BET1: variants seen among roughly 807,000 people sequenced by gnomAD.
The protein encoded by BET1 is Bet1 golgi vesicular membrane trafficking protein.
BET1 carries 9 observed loss-of-function variants against 13.9 expected under a neutral mutation model. The observed-to-expected ratio is 0.65, with a 90% CI of 0.39 to 1.13. The LOEUF (loss-of-function observed/expected upper bound fraction) is 1.13. BET1 is among the 50% of genes most tolerant of loss of function. The pLI is 0.01. For missense variants in BET1, 127 were observed against 133.6 expected (o/e 0.95, Z 0.24); for synonymous variants, 39 against 47.3 (o/e 0.82, Z 0.72).
Position 94,004,315 on chromosome 7 carries a change from C to A in BET1, c.-99G>T, listed in dbSNP as rs1584152832. The A allele has an allele frequency of 2.6e-6, 4 of 1,512,606 alleles. No individual in the cohort carries two copies. Among genetic ancestry groups the A allele is most frequent in the African/African-American group, 2.7e-5 (2 of 72,728 alleles). The allele number at this position is 1,512,606 out of a possible 1,614,324, so 93.7% of individuals were successfully genotyped here. A position where few individuals can be genotyped will look rare whatever the true frequency, so the allele number is the denominator to read the frequency against. ...CCGCGTCTTCAGTACCAGGGCCCAG[C>A]GAAACACCAACTTCTTCCCCTAAAG... On this transcript the variant is annotated 5_prime_UTR_variant, in exon 1 of 4. Transcript: ENST00000222547.
rs748060734 is a variant in BET1, at chr7:93,994,314, C to T, written c.273G>A (p.Gly91=). 1.9e-6 allele frequency: 3 copies of T among 1,613,702 alleles called. No homozygotes were observed. The highest frequency in any genetic ancestry group is 1.7e-6 in the Non-Finnish European group (2 of 1,179,828). The change falls in exon 4 of 4, where the codon GGG becomes GGA. Residue 91 remains glycine (G), a synonymous_variant. Coordinates refer to ENST00000222547, the MANE Select transcript of BET1 (RefSeq NM_005868.6). Reference sequence around the variant, plus strand: ...TATAGCACAGCAGCTTTGTTTGGCTCCCTCTGGATAAAATCTTCAGTTTGC... The same window carrying T: ...TATAGCACAGCAGCTTTGTTTGGCTTCCTCTGGATAAAATCTTCAGTTTGC... ...TMGKLKILSR[G]SQTKLLCYMM...
chr7:93,980,463 G>A (rs77804539), intron 4 of BET1, among the ~76,000 whole-genome samples: 2,405 of 152,204 alleles, frequency 0.016, 74 homozygotes, highest in African/African-American at 0.056. Flanking sequence ...TTATCCTTGG[G>A]ATTCAAGGGT....
At chr7:93,987,643 G>A (rs1482631443) in intron 4 of BET1, among the ~76,000 whole-genome samples, 1 of 152,120 alleles carries the variant, frequency 6.6e-6, no homozygotes, top group African/African-American at 2.4e-5. Flanking sequence ...TGTGCATGGT[G>A]CTAGGGAGTG....
chr7:93,998,019 G>C (rs1795809586), intron 2 of BET1, among the ~76,000 whole-genome samples: 1 of 152,126 alleles, frequency 6.6e-6, no homozygotes, highest in South Asian at 2.1e-4. Context: ...GGCGGATGTG[G>C]ATAAGCAGCA....
At chr7:93,966,947 C>T (rs1405267499) in intron 6 of BET1, among the ~76,000 whole-genome samples, 1 of 151,778 alleles carries the variant, frequency 6.6e-6, no homozygotes, top group Non-Finnish European at 1.5e-5. Flanking sequence ...CTCTTTTTAA[C>T]CATGTTCCAT....
chr7:93,999,320 G>C (rs1232468307), intron 1 of BET1, 26 bp from the exon 2 acceptor site: 4 of 1,575,652 alleles, frequency 2.5e-6, no homozygotes, highest in Non-Finnish European at 3.4e-6. Flanking sequence ...TCACAAAGGT[G>C]GTTCTAGAGA....
chr7:93,967,138 T>C (rs895850977), intron 6 of BET1, among the ~76,000 whole-genome samples: 2 of 151,874 alleles, frequency 1.3e-5, no homozygotes, highest in African/African-American at 4.8e-5. Context: ...AGTACAATTG[T>C]GTAAGGTACT....
At chr7:93,964,585 T>C (rs893395003) in exon 7 of BET1, 6 of 152,028 alleles carry the variant, frequency 3.9e-5, no homozygotes, top group East Asian at 1.9e-4. Flanking sequence ...TATGAGTGCA[T>C]GTAACTTCCA....
intron 4 of BET1, among the ~76,000 whole-genome samples, chr7:93,985,943 C>T (rs575646710): frequency 2.6e-5 from 4 of 152,288 alleles, no homozygotes; most frequent in East Asian, 3.9e-4. Context: ...AAGTTAGAAA[C>T]GGACCACAGT....
At chr7:93,966,506 C>T (rs775976679) in intron 6 of BET1, among the ~76,000 whole-genome samples, 1 of 151,840 alleles carries the variant, frequency 6.6e-6, no homozygotes, top group Non-Finnish European at 1.5e-5. Context: ...GAAGGTCATG[C>T]CATTTCCTTT....
intron 4 of BET1, among the ~76,000 whole-genome samples, chr7:93,985,879 C>T (rs1379251142): frequency 6.6e-6 from 1 of 152,176 alleles, no homozygotes; most frequent in Non-Finnish European, 1.5e-5. Context: ...ATTAAGGGAT[C>T]AAGGCAGAAA....
At chr7:93,994,441 T>C (rs1795717288) in intron 3 of BET1, 56 bp from the exon 4 acceptor site, 2 of 1,505,034 alleles carry the variant, frequency 1.3e-6, no homozygotes, top group South Asian at 1.2e-5. Context: ...AGTCTACATA[T>C]GCATATCCAA....
chr7:94,001,691 A>T (rs1207944074), intron 1 of BET1, among the ~76,000 whole-genome samples: 1 of 152,190 alleles, frequency 6.6e-6, no homozygotes, highest in Admixed American at 6.5e-5. Context: ...AACCAATGAT[A>T]CTCTGTGCAA....
At chr7:93,980,195 C>T (rs767396265) in intron 4 of BET1, among the ~76,000 whole-genome samples, 9 of 152,108 alleles carry the variant, frequency 5.9e-5, no homozygotes, top group Non-Finnish European at 1.2e-4. Context: ...TGAACTCTAC[C>T]AACATTTAAA....
intron 4 of BET1, among the ~76,000 whole-genome samples, chr7:93,983,278 A>C (rs372202249): frequency 6.6e-6 from 1 of 152,176 alleles, no homozygotes. Context: ...TTCTTCATGG[A>C]GTACGTCTCT....
intron 4 of BET1, among the ~76,000 whole-genome samples, chr7:93,977,308 C>T (rs1795356215): frequency 6.6e-6 from 1 of 151,970 alleles, no homozygotes; most frequent in Admixed American, 6.6e-5. Flanking sequence ...TATACATATG[C>T]AGAATTAGCA....
At chr7:93,989,591 T>C (rs1445054772), downstream of BET1, among the ~76,000 whole-genome samples, 2 of 152,162 alleles carry the variant, frequency 1.3e-5, no homozygotes, top group Non-Finnish European at 2.9e-5. Context: ...GTCAGTTGCC[T>C]TAAGTGACCG....
At chr7:93,986,040 A>G (rs1346189565) in intron 4 of BET1, among the ~76,000 whole-genome samples, 4 of 152,122 alleles carry the variant, frequency 2.6e-5, no homozygotes, top group Non-Finnish European at 4.4e-5. Context: ...CATTTCTGTT[A>G]TCGTCTCAGC....
rs573608915 is a variant in BET1, at chr7:93,981,625, A to G, written c.236-5525T>C. ...CAGTAGGTTGCTGATTCTCATATAA[A>G]TTCTCCAGAAGGGCAATTCCTGGAA... is the stretch of plus-strand genomic sequence containing the variant. On this transcript the variant is annotated intron_variant and NMD_transcript_variant, in intron 4 of 6. Coordinates refer to the BET1 transcript ENST00000357520. 8.5e-4 allele frequency among the ~76,000 whole-genome samples: 129 copies of G among 152,300 alleles called. 1 individual carries two copies. Among genetic ancestry groups the G allele is most frequent in the Admixed American group, 4.5e-3 (69 of 15,288 alleles).
Sources: allele counts gnomAD v4.1 joint callset (sites outside exome capture counted in the v4.1 genomes callset), GRCh38; gene constraint gnomAD v4.1.1; transcripts MANE v1.5; gene names NCBI Gene and HGNC (gene_info 2026-07-23, HGNC 2026-07-21).